Variants in CEP350 observed in about 807,000 individuals in gnomAD.
CEP350 encodes centrosome-associated protein 350.
In CEP350, 126 loss-of-function variants were observed where a neutral mutation model predicts 331.8. The ratio of observed to expected loss-of-function variants is 0.38; its 90% CI spans 0.33 to 0.44. The LOEUF is 0.44. Among genes scored for constraint, CEP350 ranks in the 20% least tolerant of loss-of-function variants. The pLI is 1.00. For synonymous variants in CEP350, 1,200 were observed against 1,259.5 expected, an observed-to-expected ratio of 0.95 and a Z score of 1.00; for missense variants, 3,406 against 3,634.6, an observed-to-expected ratio of 0.94 and a Z score of 1.62.
chr1:180,010,116 A>G lies in CEP350; in HGVS notation c.1247-1813A>G, dbSNP rs376414780. Among the ~76,000 whole-genome samples, 5 of 152,220 alleles carry G rather than the reference A, an allele frequency of 3.3e-5. No homozygotes were observed. In the East Asian group the frequency reaches 9.6e-4, roughly 29 times the overall value. ...TCACTGTTTATTTAAATTTTTTTGT[A>G]TATGTAAAATTTCATTGGTTTTTGC... On this transcript the variant is annotated intron_variant, in intron 8 of 37. Coordinates refer to ENST00000367607, the MANE Select transcript of CEP350 (RefSeq NM_014810.5).
chr1:180,110,607 C>T (rs989376189), intron 37 of CEP350, among the ~76,000 whole-genome samples: 1 of 152,186 alleles, frequency 6.6e-6, no homozygotes, highest in Non-Finnish European at 1.5e-5. Context: ...ATTTATTGGA[C>T]ATAACTCCAT....
intron 21 of CEP350, among the ~76,000 whole-genome samples, chr1:180,045,911 C>T (rs2148937381): frequency 6.6e-6 from 1 of 152,312 alleles, no homozygotes; most frequent in South Asian, 2.1e-4. Context: ...TACTATACCC[C>T]ACTCATTCTA....
intron 27 of CEP350, among the ~76,000 whole-genome samples, chr1:180,065,532 A>G (rs1658497128): frequency 6.6e-6 from 1 of 152,166 alleles, no homozygotes; most frequent in Admixed American, 6.5e-5. Flanking sequence ...CTATAATCCC[A>G]GCACTTTGAG....
At chr1:180,026,629 T>C (rs1655694912) in intron 14 of CEP350, among the ~76,000 whole-genome samples, 1 of 152,242 alleles carries the variant, frequency 6.6e-6, no homozygotes, top group Admixed American at 6.5e-5. Flanking sequence ...TCCATTCTTC[T>C]GTCCATCAGC....
At chr1:180,081,034 A>ATT (rs113533567) in intron 30 of CEP350, among the ~76,000 whole-genome samples, 11 of 139,566 alleles carry the variant, frequency 7.9e-5, no homozygotes, top group South Asian at 2.3e-4. Context: ...TAATTTTTGT[A>ATT]TTTTTTTTTT....
intron 1 of CEP350, among the ~76,000 whole-genome samples, chr1:179,978,748 CAT>C (rs1439426366): frequency 6.6e-6 from 1 of 151,980 alleles, no homozygotes. Flanking sequence ...TTCCATTGTG[CAT>C]ATATATTTTT....
At chr1:180,110,143 T>G in intron 37 of CEP350, among the ~76,000 whole-genome samples, 1 of 152,330 alleles carries the variant, frequency 6.6e-6, no homozygotes, top group East Asian at 1.9e-4. Flanking sequence ...AAGGTTAAAT[T>G]TATTTATAAC....
intron 27 of CEP350, among the ~76,000 whole-genome samples, chr1:180,068,740 G>A (rs572999825): frequency 6.6e-6 from 1 of 152,212 alleles, no homozygotes; most frequent in African/African-American, 2.4e-5. Context: ...TACTCTCTCA[G>A]CAATTGTTTA....
rs1171466477 is a variant in CEP350, at chr1:180,065,112, C to T, written c.5410-3C>T. On this transcript the variant is annotated splice_region_variant and splice_polypyrimidine_tract_variant and intron_variant, in intron 26 of 37. Transcript: ENST00000367607. ...ATACAATTTTGCCTCTTTTTGTTTG[C>T]AGGACTCTCATAGTGATGATGATAC... 6.3e-7 allele frequency: 1 copy of T among 1,582,766 alleles called. No homozygotes were observed. The highest frequency in any genetic ancestry group is 8.5e-7 in the Non-Finnish European group (1 of 1,169,676).
rs142569007 is a variant in CEP350 at position 180,110,590 on chromosome 1, A to C, written c.9190-407A>C. Among the ~76,000 whole-genome samples the C allele has an allele frequency of 4.0e-3, 614 of 152,306 alleles. 2 individuals are homozygous for C. The highest frequency in any genetic ancestry group is 0.014 in the African/African-American group (567 of 41,554). On this transcript the variant is annotated intron_variant, in intron 37 of 37. Coordinates refer to ENST00000367607, the MANE Select transcript of CEP350 (RefSeq NM_014810.5). ...TTTGACTTAATGATATTTTCAATTT[A>C]CTGCGAATTTATTGGACATAACTCC...
chr1:180,008,898 A>G (rs1654432521), intron 8 of CEP350, among the ~76,000 whole-genome samples: 1 of 152,214 alleles, frequency 6.6e-6, no homozygotes, highest in Admixed American at 6.6e-5. Flanking sequence ...CAGATAACAC[A>G]TTTTGTGACA....
intron 14 of CEP350, among the ~76,000 whole-genome samples, chr1:180,028,035 T>C (rs996227909): frequency 3.9e-5 from 6 of 152,204 alleles, no homozygotes; most frequent in Non-Finnish European, 1.5e-5. Flanking sequence ...CATTTAGACA[T>C]CATTTTACCA....
At chr1:179,965,292 A>G (rs887856114) in intron 1 of CEP350, among the ~76,000 whole-genome samples, 1 of 152,110 alleles carries the variant, frequency 6.6e-6, no homozygotes, top group African/African-American at 2.4e-5. Context: ...TTAAGAATGT[A>G]TTGAGACTTG....
intron 37 of CEP350, among the ~76,000 whole-genome samples, chr1:180,104,135 A>T (rs991450110): frequency 1.3e-5 from 2 of 150,128 alleles, no homozygotes; most frequent in African/African-American, 2.4e-5. Context: ...CTACATATTT[A>T]TATGAGGACT....
chr1:180,071,452 T>TC (rs761175208), intron 27 of CEP350, among the ~76,000 whole-genome samples: 1 of 123,562 alleles, frequency 8.1e-6, no homozygotes, highest in African/African-American at 3.2e-5. Context: ...CGAGTGAAAC[T>TC]CCATCTCAAA....
Position 180,094,393 on chromosome 1 carries a change from T to A in CEP350, c.8288T>A (p.Val2763Glu), listed in dbSNP as rs886284628. 6.2e-7 allele frequency: 1 copy of A among 1,613,592 alleles called. No individual in the cohort carries two copies. The highest frequency in any genetic ancestry group is 1.3e-5 in the African/African-American group (1 of 74,858). The change falls in exon 34 of 38, where the codon GTA becomes GAA. Residue 2763 changes from valine (V) to glutamate (E), a missense_variant. Coordinates refer to ENST00000367607, the MANE Select transcript of CEP350 (RefSeq NM_014810.5). ...ACAGACAGTTTACTAAAAGTCTTTG[T>A]AAAGGACACAGTCAATCAACTACAA... ...LLTDSLLKVF[V>E]KDTVNQLQQI...
chr1:180,055,547 T>C (rs10658700), intron 25 of CEP350, among the ~76,000 whole-genome samples: 62 of 26,502 alleles, frequency 2.3e-3, no homozygotes, highest in Admixed American at 5.9e-3. Flanking sequence ...GAATTCCATC[T>C]TTTTTTTTTT....
intron 1 of CEP350, among the ~76,000 whole-genome samples, chr1:179,964,712 G>A (rs953129809): frequency 6.6e-6 from 1 of 150,696 alleles, no homozygotes; most frequent in Non-Finnish European, 1.5e-5. Context: ...TATTTTTGTA[G>A]TATGAGTTCT....
intron 30 of CEP350, 90 bp downstream of exon 30, chr1:180,080,751 G>A (rs1659514771): frequency 1.9e-6 from 2 of 1,079,618 alleles, no homozygotes; most frequent in Admixed American, 1.8e-5. Flanking sequence ...ACCTTAGGAA[G>A]CATATGTAGA....
Sources: allele counts gnomAD v4.1 joint callset (sites outside exome capture counted in the v4.1 genomes callset), GRCh38; gene constraint gnomAD v4.1.1; transcripts MANE v1.5; gene names NCBI Gene and HGNC (gene_info 2026-07-23, HGNC 2026-07-21).